EP400: variants seen among roughly 807,000 people sequenced by gnomAD.
EP400 encodes the protein E1A-binding protein p400.
Under a neutral mutation model 354.1 loss-of-function variants are expected in EP400, and 105 were observed. The observed-to-expected ratio is 0.30, with a 90% CI of 0.25 to 0.35. The LOEUF (loss-of-function observed/expected upper bound fraction) is 0.35, where lower values mean the gene tolerates loss of function less well. Among genes scored for constraint, EP400 ranks in the 10% least tolerant of loss-of-function variants. The pLI, the probability that EP400 is intolerant of heterozygous loss-of-function variation, is 1.00. For missense variants in EP400, 3,280 were observed against 4,121.0 expected (o/e 0.80, Z 5.59); for synonymous variants, 1,646 against 1,716.9 (o/e 0.96, Z 1.02).
In EP400 at chr12:132,027,492, G is replaced by A. The variant is rs781113891; in HGVS notation, c.5070G>A (p.Thr1690=). 3.7e-6 allele frequency: 6 copies of A among 1,613,742 alleles called. No homozygotes were observed. The highest frequency in any genetic ancestry group is 2.2e-5 in the East Asian group (1 of 44,866). Residue 1690 remains threonine (T), a synonymous_variant, in exon 26 of 53, where the codon ACG becomes ACA. Coordinates refer to ENST00000389561, the MANE Select transcript of EP400 (RefSeq NM_015409.5). The surrounding 1 kb of genome is among the most constrained non-coding windows in gnomAD (Gnocchi z 4.9). ...CCTTGGCTGTAGGAGAACCCGGAAC[G>A]GCCTCCAAACCAGCTTCTCCCATTG... ...VNALAVGEPG[T]ASKPASPIGG...
At position 131,961,079 on chromosome 12, in the gene EP400, G is replaced by A. The variant is rs143562403; in HGVS notation, c.460G>A (p.Ala154Thr). 1.2e-3 allele frequency: 1,930 copies of A among 1,595,808 alleles called. 8 individuals carry two copies. Among genetic ancestry groups the A allele is most frequent in the Admixed American group, 3.6e-3 (203 of 56,886 alleles). Residue 154 changes from alanine (A) to threonine (T), a missense_variant, in exon 2 of 53, where the codon GCC becomes ACC. Transcript: ENST00000389561. ...GQALQNVRAG[A>T]PGPGLGLCSS... ...GGCCTTGCAGAATGTGCGTGCAGGT[G>A]CCCCTGGCCCTGGGCTGGGCCTCTG...
rs1244933245 is a variant in EP400, at chr12:132,062,228, G to A, written c.8003G>A (p.Arg2668Gln). 1.9e-6 allele frequency: 3 copies of A among 1,614,058 alleles called. No homozygotes were observed. The highest frequency in any genetic ancestry group is 1.3e-5 in the African/African-American group (1 of 74,914). ...LVSMATTQGV[R>Q]AVTSVTASAV... ...TCCATGGCAACGACTCAGGGTGTTC[G>A]AGCGGTCACTTCTGTGACAGCCTCG... The change falls in exon 46 of 53, where the codon CGA (arginine) becomes CAA (glutamine). Residue 2668 changes from arginine to glutamine, a missense_variant. Transcript: ENST00000389561.
Position 132,018,627 on chromosome 12 carries a change from G to T in EP400, c.4277+251G>T, listed in dbSNP as rs1894022388. Among the ~76,000 whole-genome samples the T allele has an allele frequency of 6.6e-6, 1 of 152,214 alleles. No homozygotes were observed. Among genetic ancestry groups the T allele is most frequent in the Non-Finnish European group, 1.5e-5 (1 of 68,042 alleles). On this transcript the variant is annotated intron_variant, in intron 21 of 52. Transcript: ENST00000389561. The surrounding 1 kb of genome is among the most constrained non-coding windows in gnomAD (Gnocchi z 4.0). ...CGTCTTTGCAGCAGTTTTAGGGTAG[G>T]GTGGGTGTCAGGGCTGCATTTGACC...
intron 29 of EP400, chr12:132,031,461 G>T: frequency 2.0e-6 from 1 of 488,030 alleles, no homozygotes; most frequent in South Asian, 1.5e-5. Context: ...TAAGATGATA[G>T]TGGCTGCACA....
At chr12:132,007,722 C>G (rs1216042299) in intron 15 of EP400, among the ~76,000 whole-genome samples, 1 of 152,240 alleles carries the variant, frequency 6.6e-6, no homozygotes, top group Admixed American at 6.5e-5. Flanking sequence ...TTTGCTATTG[C>G]TGCAGAGAAG....
chr12:132,022,587 T>G (rs990289771), intron 23 of EP400, among the ~76,000 whole-genome samples: 1 of 152,222 alleles, frequency 6.6e-6, no homozygotes, highest in African/African-American at 2.4e-5. Context: ...AGTACCTTTT[T>G]GAGTTGGGGG....
At chr12:132,076,875 T>C (rs1276443203) in intron 52 of EP400, among the ~76,000 whole-genome samples, 3 of 152,206 alleles carry the variant, frequency 2.0e-5, no homozygotes, top group Non-Finnish European at 4.4e-5. Flanking sequence ...CACTGCCCTG[T>C]GGTTTTAGGG....
intron 12 of EP400, among the ~76,000 whole-genome samples, chr12:131,999,434 G>A (rs1177947539): frequency 6.6e-6 from 1 of 152,054 alleles, no homozygotes; most frequent in Non-Finnish European, 1.5e-5. Context: ...TTGTAGGTGG[G>A]TATTGCATGC....
chr12:132,017,589 G>C lies in EP400; in HGVS notation c.3978G>C (p.Val1326=). Residue 1326 remains valine, a synonymous_variant, in exon 20 of 53, where the codon GTG becomes GTC. Coordinates refer to ENST00000389561, the MANE Select transcript of EP400 (RefSeq NM_015409.5). The surrounding 1 kb of genome is among the most constrained non-coding windows in gnomAD (Gnocchi z 5.0). ...TTGTCAACGTCCTGAGCATCCTTGTGCGGCTGCAGCGCATCTGCAACCACC... is the reference window on the plus strand; with the variant it reads ...TTGTCAACGTCCTGAGCATCCTTGTCCGGCTGCAGCGCATCTGCAACCACC... ...GHFVNVLSIL[V]RLQRICNHPG... 6.2e-7 allele frequency: 1 copy of C among 1,613,884 alleles called. No homozygotes were observed. Among genetic ancestry groups the C allele is most frequent in the African/African-American group, 1.3e-5 (1 of 74,996 alleles).
chr12:132,043,246 TCAAACTACCC>T, intron 32 of EP400, 48 bp from the exon 33 acceptor site: 6 of 1,564,428 alleles, frequency 3.8e-6, no homozygotes, highest in Admixed American at 4.0e-5. Context: ...TAGCTCTTTT[TCAAACTACCC>T]TCATTTAAAA....
chr12:132,032,146 A>G lies in EP400; in HGVS notation c.5948A>G (p.Tyr1983Cys). The G allele has an allele frequency of 6.2e-7, 1 of 1,612,598 alleles. No individual in the cohort carries two copies. Among genetic ancestry groups the G allele is most frequent in the Admixed American group, 1.7e-5 (1 of 59,940 alleles). Residue 1983 changes from tyrosine (Y) to cysteine (C), a missense_variant, in exon 30 of 53, where the codon TAC (tyrosine) becomes TGC (cysteine). By Grantham distance (194) the Tyr-to-Cys change is radical (BLOSUM62 -2). Around this residue, in one of 20 missense-constraint regions of EP400, gnomAD observed 459 missense variants for 496.9 expected, o/e 0.92. Coordinates refer to ENST00000389561, the MANE Select transcript of EP400 (RefSeq NM_015409.5). Reference sequence around the variant, plus strand: ...GGGAGATGCAAAGACATCCACATATACAGGTGAGGGCCTGCGGGGGATAGG... The same window carrying G: ...GGGAGATGCAAAGACATCCACATATGCAGGTGAGGGCCTGCGGGGGATAGG... The part of the protein sequence containing the change: ...RIGRCKDIHI[Y>C]RLVSGNSIEE...
rs760957036 is a variant in EP400, at chr12:132,018,402, G to A, written c.4277+26G>A. On this transcript the variant is annotated intron_variant, in intron 21 of 52. Coordinates refer to ENST00000389561, the MANE Select transcript of EP400 (RefSeq NM_015409.5). The surrounding 1 kb of genome is among the most constrained non-coding windows in gnomAD (Gnocchi z 4.0). Reference sequence around the variant, plus strand: ...GTGCGTGCGACCCAGAGGCAGCGGGGAGGGTTGGCTCCCAGGGCCCCCACA... The same window carrying A: ...GTGCGTGCGACCCAGAGGCAGCGGGAAGGGTTGGCTCCCAGGGCCCCCACA... 3 of 1,575,134 alleles carry A rather than the reference G, an allele frequency of 1.9e-6. No individual in the cohort carries two copies. Among genetic ancestry groups the A allele is most frequent in the African/African-American group, 1.4e-5 (1 of 72,668 alleles).
At chr12:132,036,425 C>T (rs529469662) in intron 30 of EP400, among the ~76,000 whole-genome samples, 1 of 152,186 alleles carries the variant, frequency 6.6e-6, no homozygotes. Flanking sequence ...CCCAGGTTCA[C>T]ATGGAGCATC....
At chr12:132,056,832 C>T (rs1433372235) in intron 45 of EP400, among the ~76,000 whole-genome samples, 2 of 152,166 alleles carry the variant, frequency 1.3e-5, no homozygotes. Context: ...AAAGATTCTT[C>T]AACTCAGTAG....
At position 132,018,260 on chromosome 12, in the gene EP400, T is replaced by C. The variant is rs774686937; in HGVS notation, c.4161T>C (p.Thr1387=). ...TCATCGGCTTAGAAAATAAAATCAC[T>C]CGTCACGAGGCAGAGTTGCTGTCTA... ...FDLIGLENKI[T]RHEAELLSKK... The change falls in exon 21 of 53, where the codon ACT becomes ACC. Residue 1387 remains threonine (T), a synonymous_variant. Coordinates refer to ENST00000389561, the MANE Select transcript of EP400 (RefSeq NM_015409.5). This position sits in a 1 kb window ranked among gnomAD's most constrained non-coding sequence, Gnocchi z 4.0. The C allele has an allele frequency of 3.7e-6, 6 of 1,613,454 alleles. No individual in the cohort carries two copies. Among genetic ancestry groups the C allele is most frequent in the African/African-American group, 2.7e-5 (2 of 74,824 alleles).
rs1316300819 is a variant in EP400 at position 132,062,136 on chromosome 12, G to C, written c.7911G>C (p.Gln2637His). The C allele has an allele frequency of 1.2e-6, 2 of 1,613,674 alleles. No individual in the cohort carries two copies. Among genetic ancestry groups the C allele is most frequent in the Admixed American group, 1.7e-5 (1 of 60,016 alleles). Residue 2637 changes from glutamine (Q) to histidine (H), a missense_variant, in exon 46 of 53, where the codon CAG (glutamine) becomes CAC (histidine). Around this residue, in one of 20 missense-constraint regions of EP400, gnomAD observed 255 missense variants for 295.9 expected, o/e 0.86. Coordinates refer to ENST00000389561, the MANE Select transcript of EP400 (RefSeq NM_015409.5). ...LTTPGGSAPA[Q>H]VVHTQPPPRA... is the part of the protein sequence containing the mutation. ...CGCCGGGAGGCTCTGCTCCCGCCCA[G>C]GTGGTGCACACCCAGCCCCCGCCAC...
At chr12:132,066,124 CAG>C (rs1000556002) in intron 48 of EP400, 11 of 152,144 alleles carry the variant, frequency 7.2e-5, no homozygotes, top group Non-Finnish European at 1.5e-4. Context: ...AGAAGAGAAA[CAG>C]ATTTCAAAAT....
chr12:132,012,224 T>G (rs2136531600), intron 16 of EP400, among the ~76,000 whole-genome samples: 1 of 152,336 alleles, frequency 6.6e-6, no homozygotes, highest in East Asian at 1.9e-4. Context: ...AGTATTTTCT[T>G]TTTTACTATT....
chr12:132,036,070 GCA>G (rs1383771252), intron 30 of EP400, among the ~76,000 whole-genome samples: 6 of 149,772 alleles, frequency 4.0e-5, no homozygotes, highest in Non-Finnish European at 8.9e-5. Flanking sequence ...CGTCTTAGAA[GCA>G]CACAGCCAGG....
Sources: gnomAD v4.1 joint callset for allele counts (sites outside exome capture counted in the v4.1 genomes callset) on GRCh38, gnomAD v4.1.1 for gene constraint, gnomAD v4.1.1 regional missense constraint, Gnocchi (gnomAD v3.1) non-coding constraint, MANE v1.5 for transcripts, NCBI Gene and HGNC (gene_info 2026-07-23, HGNC 2026-07-21) for gene names.